MSANTD1: variants seen among roughly 807,000 people sequenced by gnomAD.
The protein encoded by MSANTD1 is myb/SANT-like DNA-binding domain-containing protein 1.
MSANTD1 carries 7 observed loss-of-function variants against 24.2 expected under a neutral mutation model. The ratio of observed to expected loss-of-function variants is 0.29; its 90% confidence interval spans 0.16 to 0.54. The LOEUF (loss-of-function observed/expected upper bound fraction) is 0.54. Among genes scored for constraint, MSANTD1 ranks in the 20% least tolerant of loss-of-function variants. MSANTD1 has a pLI of 0.94. For missense variants in MSANTD1, 384 were observed against 408.2 expected (o/e 0.94, Z 0.51); for synonymous variants, 177 against 181.1 (o/e 0.98, Z 0.18).
At chr4:3,249,602 C>T in intron 1 of MSANTD1, 60 bp downstream of exon 1, 1 of 1,475,322 alleles carries the variant, frequency 6.8e-7, no homozygotes, top group Non-Finnish European at 9.2e-7. Context: ...TGGCGGGCCG[C>T]TCCTGACTTT....
At chr4:3,255,277 G>A (rs1346287375) in intron 2 of MSANTD1, among the ~76,000 whole-genome samples, 5 of 150,936 alleles carry the variant, frequency 3.3e-5, no homozygotes, top group Admixed American at 2.6e-4. Context: ...TGTGCAGAGA[G>A]CAGTGGCGCG....
chr4:3,253,549 C>G, intron 2 of MSANTD1, 67 bp downstream of exon 2: 21 of 1,416,622 alleles, frequency 1.5e-5, no homozygotes, highest in Non-Finnish European at 1.8e-5. Context: ...GAGAAAGGGA[C>G]TGGGAGTGGC....
At chr4:3,253,532 C>G in intron 2 of MSANTD1, 50 bp downstream of exon 2, 1 of 1,431,508 alleles carries the variant, frequency 7.0e-7, no homozygotes, top group Non-Finnish European at 9.2e-7. Flanking sequence ...TCAGCCCCCA[C>G]CATTTAGAGA....
chr4:3,251,693 CTT>C (rs59741098), intron 1 of MSANTD1, among the ~76,000 whole-genome samples: 20 of 137,516 alleles, frequency 1.5e-4, no homozygotes, highest in Admixed American at 3.6e-4. Context: ...TTTTCTTTTT[CTT>C]TTTTTTTTTT....
chr4:3,245,620 C>CA (rs1372507735), upstream of MSANTD1, among the ~76,000 whole-genome samples: 1 of 152,238 alleles, frequency 6.6e-6, no homozygotes, highest in Non-Finnish European at 1.5e-5. Context: ...AGCACCGTGA[C>CA]AGTGTCTGTG....
At chr4:3,254,054 G>A (rs1449058300) in intron 2 of MSANTD1, among the ~76,000 whole-genome samples, 1 of 152,242 alleles carries the variant, frequency 6.6e-6, no homozygotes, top group Non-Finnish European at 1.5e-5. Flanking sequence ...TGCTCACAGG[G>A]CAGCCGGGAG....
chr4:3,255,676 T>C (rs1397619297), intron 2 of MSANTD1, 49 bp from the exon 3 acceptor site: 1 of 1,472,302 alleles, frequency 6.8e-7, no homozygotes, highest in Non-Finnish European at 9.0e-7. Flanking sequence ...GCCCCTGGTG[T>C]GCCCAGGCTC....
At chr4:3,253,870 G>A (rs1359951028) in intron 2 of MSANTD1, among the ~76,000 whole-genome samples, 2 of 152,212 alleles carry the variant, frequency 1.3e-5, no homozygotes, top group Non-Finnish European at 2.9e-5. Context: ...GCGCCCCCTG[G>A]CCTCCCTTAG....
upstream of MSANTD1, chr4:3,244,299 T>C (rs1246049759): frequency 6.6e-6 from 1 of 152,606 alleles, no homozygotes; most frequent in African/African-American, 2.4e-5. Flanking sequence ...AGTGACATCA[T>C]AAGCTTATAT....
chr4:3,253,129 C>T (rs1381038841), intron 1 of MSANTD1, 78 bp from the exon 2 acceptor site: 3 of 1,400,694 alleles, frequency 2.1e-6, no homozygotes, highest in East Asian at 5.4e-5. Flanking sequence ...CGTGGCGCGC[C>T]CCTCTGCTGA....
intron 1 of MSANTD1, among the ~76,000 whole-genome samples, chr4:3,251,851 C>G (rs375771596): frequency 1.7e-3 from 253 of 152,252 alleles, no homozygotes; most frequent in Middle Eastern, 6.8e-3. Flanking sequence ...AAAGAGTGGG[C>G]TGGCTCAAGT....
chr4:3,255,513 C>T (rs1434349943), intron 2 of MSANTD1, among the ~76,000 whole-genome samples: 1 of 152,242 alleles, frequency 6.6e-6, no homozygotes, highest in Admixed American at 6.5e-5. Context: ...CATAAGCCTC[C>T]ACACCCGGCC....
At chr4:3,247,193 G>A (rs1283924525), upstream of MSANTD1, among the ~76,000 whole-genome samples, 1 of 152,178 alleles carries the variant, frequency 6.6e-6, no homozygotes, top group Non-Finnish European at 1.5e-5. Flanking sequence ...CCCTTAGCCA[G>A]CACCATGCTG....
upstream of MSANTD1, among the ~76,000 whole-genome samples, chr4:3,246,009 A>G (rs1214547461): frequency 1.3e-5 from 2 of 151,998 alleles, no homozygotes; most frequent in Non-Finnish European, 2.9e-5. Context: ...TACCCCCAAA[A>G]CTGCTAGGAC....
At chr4:3,246,358 GC>G (rs1034501777), upstream of MSANTD1, among the ~76,000 whole-genome samples, 1 of 152,216 alleles carries the variant, frequency 6.6e-6, no homozygotes, top group African/African-American at 2.4e-5. Context: ...GAGCCCTGCT[GC>G]CCCCACCCTT....
intron 1 of MSANTD1, among the ~76,000 whole-genome samples, chr4:3,250,649 CTGTGG>C (rs1476803030): frequency 6.6e-6 from 1 of 152,162 alleles, no homozygotes; most frequent in Non-Finnish European, 1.5e-5. Context: ...GCACCCGGCC[CTGTGG>C]GCGGCCTGGA....
chr4:3,249,123 C>G (rs748756091), upstream of MSANTD1: 21 of 1,104,966 alleles, frequency 1.9e-5, no homozygotes, highest in Non-Finnish European at 2.5e-5. Flanking sequence ...AATGACGTTT[C>G]CCGTTTAAAA....
chr4:3,249,215 T>G lies in MSANTD1; in HGVS notation c.-8T>G. 1 of 1,390,420 alleles carries G rather than the reference T, an allele frequency of 7.2e-7. No homozygotes were observed. The highest frequency in any genetic ancestry group is 1.7e-5 in the South Asian group (1 of 59,920). The allele number at this position is 1,390,420 out of a possible 1,614,324, so 86.1% of individuals were successfully genotyped here. On this transcript the variant is annotated 5_prime_UTR_variant, in exon 1 of 3. Coordinates refer to ENST00000438480, the MANE Select transcript of MSANTD1 (RefSeq NM_001042690.2). ...CCTTCGAGCGAGCGTGAGCGGCGCCTCCCGCCCATGGTGCGTGGGGCCGGG... is the reference window on the plus strand; with the variant it reads ...CCTTCGAGCGAGCGTGAGCGGCGCCGCCCGCCCATGGTGCGTGGGGCCGGG...
rs147328965 is a variant in MSANTD1, at chr4:3,249,369, C to G, written c.147C>G (p.Ala49=). ...KHRRARNWTD[A]EMRGLMLVWE... is the part of the protein sequence containing the mutation. ...GGCGGGCCCGCAACTGGACGGACGC[C>G]GAGATGCGCGGCCTCATGCTGGTCT... The change falls in exon 1 of 3, where the codon GCC becomes GCG. Residue 49 remains alanine, a synonymous_variant. Coordinates refer to ENST00000438480, the MANE Select transcript of MSANTD1 (RefSeq NM_001042690.2). The G allele has an allele frequency of 2.6e-6, 4 of 1,568,144 alleles. No individual in the cohort carries two copies. The highest frequency in any genetic ancestry group is 3.5e-6 in the Non-Finnish European group (4 of 1,157,064).
Sources: gnomAD v4.1 joint callset for allele counts (sites outside exome capture counted in the v4.1 genomes callset) on GRCh38, gnomAD v4.1.1 for gene constraint, MANE v1.5 for transcripts, NCBI Gene and HGNC (gene_info 2026-07-23, HGNC 2026-07-21) for gene names.